The following HS3ST4 variants were observed in gnomAD, a reference collection of about 807,000 sequenced individuals.
The protein encoded by HS3ST4 is heparan sulfate-glucosamine 3-sulfotransferase 4, also known as heparan sulfate glucosamine 3-O-sulfotransferase 4.
HS3ST4 carries 17 observed loss-of-function variants against 29.2 expected under a neutral mutation model. The observed-to-expected ratio is 0.58, with a 90% CI of 0.40 to 0.87. The LOEUF (loss-of-function observed/expected upper bound fraction) is 0.87, where lower values mean the gene tolerates loss of function less well. Ranked by LOEUF, HS3ST4 falls within the 40% of genes least tolerant of loss-of-function variation. The pLI, the probability that HS3ST4 is intolerant of heterozygous loss-of-function variation, is 0.00. For synonymous variants in HS3ST4, 314 were observed against 285.7 expected, an observed-to-expected ratio of 1.10 and a Z score of -1.00; for missense variants, 627 against 634.5, an observed-to-expected ratio of 0.99 and a Z score of 0.13.
intron 1 of HS3ST4, among the ~76,000 whole-genome samples, chr16:25,828,567 C>T (rs903943076): frequency 1.3e-5 from 2 of 151,836 alleles, no homozygotes; most frequent in Non-Finnish European, 2.9e-5. Context: ...ACTCGATCTC[C>T]TGGGCTCAAG....
At chr16:25,737,958 GC>G (rs2141596382) in intron 1 of HS3ST4, among the ~76,000 whole-genome samples, 1 of 146,422 alleles carries the variant, frequency 6.8e-6, no homozygotes, top group South Asian at 2.2e-4. Context: ...AGGCTGGTGT[GC>G]AGTGGAGCAA....
At chr16:26,001,531 G>A (rs1288332675) in intron 1 of HS3ST4, among the ~76,000 whole-genome samples, 1 of 151,996 alleles carries the variant, frequency 6.6e-6, no homozygotes, top group Non-Finnish European at 1.5e-5. Context: ...CCATAACAAG[G>A]TAATTGATGT....
chr16:25,993,175 T>C (rs1456390677), intron 1 of HS3ST4, among the ~76,000 whole-genome samples: 3 of 152,116 alleles, frequency 2.0e-5, no homozygotes, highest in Non-Finnish European at 4.4e-5. Flanking sequence ...CAGGATTCTA[T>C]CACAATCATT....
At chr16:25,703,233 A>G (rs978066099) in intron 1 of HS3ST4, among the ~76,000 whole-genome samples, 6 of 152,194 alleles carry the variant, frequency 3.9e-5, no homozygotes, top group Non-Finnish European at 7.4e-5. Flanking sequence ...ATGTTGCCAC[A>G]TAGCAAAAAG....
At chr16:26,062,529 T>G (rs936487167) in intron 1 of HS3ST4, among the ~76,000 whole-genome samples, 1 of 152,172 alleles carries the variant, frequency 6.6e-6, no homozygotes, top group African/African-American at 2.4e-5. Flanking sequence ...ACCTGAACCT[T>G]GGCCCGATGC....
chr16:25,986,157 CATT>C (rs1969060521), intron 1 of HS3ST4, among the ~76,000 whole-genome samples: 1 of 152,190 alleles, frequency 6.6e-6, no homozygotes, highest in African/African-American at 2.4e-5. Flanking sequence ...TTATTTTTCT[CATT>C]AATAATTATC....
intron 1 of HS3ST4, among the ~76,000 whole-genome samples, chr16:25,856,801 T>C (rs1596592461): frequency 1.3e-5 from 2 of 152,198 alleles, no homozygotes; most frequent in East Asian, 3.8e-4. Flanking sequence ...TACTCTTCCA[T>C]TTGGCTATTC....
At chr16:25,806,133 T>C (rs1307183270) in intron 1 of HS3ST4, among the ~76,000 whole-genome samples, 1 of 152,224 alleles carries the variant, frequency 6.6e-6, no homozygotes, top group African/African-American at 2.4e-5. Flanking sequence ...TGATTCCATG[T>C]CTTTGCTATT....
At chr16:25,764,496 C>T (rs1035897826) in intron 1 of HS3ST4, among the ~76,000 whole-genome samples, 2 of 152,130 alleles carry the variant, frequency 1.3e-5, no homozygotes, top group Non-Finnish European at 2.9e-5. Flanking sequence ...AGTGTGCACC[C>T]GCATGTGTAT....
chr16:25,694,141 T>C (rs1377657010), intron 1 of HS3ST4, among the ~76,000 whole-genome samples: 5 of 152,170 alleles, frequency 3.3e-5, no homozygotes, highest in African/African-American at 1.2e-4. Flanking sequence ...TGCATTTCGG[T>C]AATTAATTGC....
intron 1 of HS3ST4, among the ~76,000 whole-genome samples, chr16:25,703,810 G>T (rs553991991): frequency 6.6e-6 from 1 of 152,168 alleles, no homozygotes; most frequent in African/African-American, 2.4e-5. Flanking sequence ...TAAACTACTG[G>T]TATCTCCTTA....
At chr16:25,810,947 G>GT (rs1366857087) in intron 1 of HS3ST4, among the ~76,000 whole-genome samples, 1 of 152,188 alleles carries the variant, frequency 6.6e-6, no homozygotes, top group Non-Finnish European at 1.5e-5. Flanking sequence ...CAGATTTGAT[G>GT]TTAAATATCA....
chr16:26,036,638 C>G (rs985868280), intron 1 of HS3ST4, among the ~76,000 whole-genome samples: 1 of 152,128 alleles, frequency 6.6e-6, no homozygotes, highest in Admixed American at 6.6e-5. Flanking sequence ...CTATGCATTC[C>G]ATCTCCCATG....
intron 1 of HS3ST4, among the ~76,000 whole-genome samples, chr16:26,079,178 C>T (rs1427039486): frequency 2.0e-5 from 3 of 152,184 alleles, no homozygotes; most frequent in African/African-American, 4.8e-5. Context: ...CCTGAGCAGG[C>T]GCCTGGGATG....
At chr16:25,984,186 A>C (rs8050791) in intron 1 of HS3ST4, among the ~76,000 whole-genome samples, 3,126 of 152,232 alleles carry the variant, frequency 0.021, 128 homozygotes, top group African/African-American at 0.072. Flanking sequence ...CTATCTCACT[A>C]TAATTTTGTA....
Position 25,700,436 on chromosome 16 carries a change from C to T in HS3ST4, c.734+7285C>T, listed in dbSNP as rs191056112. 6.6e-5 allele frequency among the ~76,000 whole-genome samples: 10 copies of T among 152,326 alleles called. No homozygotes were observed. In the East Asian group the frequency reaches 1.2e-3, roughly 18 times the overall value. On this transcript the variant is annotated intron_variant, in intron 1 of 1. Transcript: ENST00000331351. ...TGCAGGATTGCTCCCCAAGACCCTA[C>T]GAAACCCTCTATTTTGAGATTTGGC...
In HS3ST4 at chr16:25,868,908, TTGTC is replaced by T. The variant is rs569643123; in HGVS notation, c.734+175761_734+175764del. Among the ~76,000 whole-genome samples, 35 of 152,266 alleles carry T rather than the reference TTGTC, an allele frequency of 2.3e-4. No homozygotes were observed. In the South Asian group the frequency reaches 5.4e-3, roughly 23 times the overall value. On this transcript the variant is annotated intron_variant, in intron 1 of 1. Transcript: ENST00000331351. ...GTAGGATGATGCTTCTAGGGTTTCTTTGTCTGTGTCACAGCCATTAAAAATCCCT... is the reference window on the plus strand; with the variant it reads ...GTAGGATGATGCTTCTAGGGTTTCTTTGTGTCACAGCCATTAAAAATCCCT...
intron 1 of HS3ST4, among the ~76,000 whole-genome samples, chr16:25,732,801 C>T (rs554039594): frequency 1.3e-5 from 2 of 152,318 alleles, no homozygotes; most frequent in East Asian, 3.9e-4. Flanking sequence ...TTTCTCCCTG[C>T]TACTTCCTAG....
rs138474569 is a variant in HS3ST4, at chr16:25,893,020, A to G, written c.734+199869A>G. The stretch of plus-strand genomic sequence containing the variant: ...AATACAGAGTGAGAGCAAAGAAGTA[A>G]TCACAGAAAATCTGTTTGAGCTGTT... On this transcript the variant is annotated intron_variant, in intron 1 of 1. Transcript: ENST00000331351. Among the ~76,000 whole-genome samples the G allele has an allele frequency of 2.0e-5, 3 of 152,336 alleles. No individual in the cohort carries two copies. In the East Asian group the frequency reaches 5.8e-4, roughly 29 times the overall value.
Sources: allele counts gnomAD v4.1 joint callset (sites outside exome capture counted in the v4.1 genomes callset), GRCh38; gene constraint gnomAD v4.1.1; transcripts MANE v1.5; gene names NCBI Gene and HGNC (gene_info 2026-07-23, HGNC 2026-07-21).